The following PAN3 variants were observed in gnomAD, a reference collection of about 807,000 sequenced individuals.
PAN3 encodes the protein PAN2-PAN3 deadenylation complex subunit PAN3.
A neutral mutation model predicts 96.2 loss-of-function variants in PAN3; 19 were observed. That is an observed-to-expected ratio of 0.20 (90% CI 0.14 to 0.29). PAN3 has a LOEUF of 0.29. Among genes scored for constraint, PAN3 ranks in the 10% least tolerant of loss-of-function variants. The probability of loss-of-function intolerance (pLI) is 1.00; values close to 1 mark genes in which losing one functional copy is unlikely to be tolerated. For synonymous variants in PAN3, 433 were observed against 406.6 expected (o/e 1.06, Z -0.78); for missense variants, 882 against 1,108.1 (o/e 0.80, Z 2.90).
intron 18 of PAN3, among the ~76,000 whole-genome samples, chr13:28,288,522 CTT>C (rs1214411775): frequency 6.6e-6 from 1 of 152,164 alleles, no homozygotes; most frequent in Non-Finnish European, 1.5e-5. Flanking sequence ...GAACTCCTCA[CTT>C]CAAGTGATTC....
chr13:28,170,290 G>T (rs535007999), intron 1 of PAN3, among the ~76,000 whole-genome samples: 4 of 152,228 alleles, frequency 2.6e-5, no homozygotes, highest in African/African-American at 9.6e-5. Context: ...ATTTCTTAAT[G>T]ATAAGGTGTT....
chr13:28,262,527 G>C (rs1885826655), intron 9 of PAN3, among the ~76,000 whole-genome samples: 1 of 152,066 alleles, frequency 6.6e-6, no homozygotes, highest in Admixed American at 6.5e-5. Flanking sequence ...GAACTTACTT[G>C]TCATAACCTT....
intron 10 of PAN3, 100 bp from the exon 11 acceptor site, chr13:28,266,995 T>C (rs183383329): frequency 7.6e-7 from 1 of 1,312,892 alleles, no homozygotes; most frequent in East Asian, 2.4e-5. Context: ...AATTAGTACC[T>C]CATGAGCAAT....
chr13:28,276,176 C>T (rs1296894056), intron 14 of PAN3, among the ~76,000 whole-genome samples: 3 of 151,978 alleles, frequency 2.0e-5, no homozygotes, highest in Non-Finnish European at 2.9e-5. Context: ...AAAATTGGGA[C>T]GAGGGGATGG....
At chr13:28,198,561 A>G (rs1324552898) in intron 5 of PAN3, among the ~76,000 whole-genome samples, 1 of 152,194 alleles carries the variant, frequency 6.6e-6, no homozygotes, top group African/African-American at 2.4e-5. Context: ...TTTCTATATA[A>G]TATTTTGAAG....
intron 16 of PAN3, among the ~76,000 whole-genome samples, chr13:28,281,052 C>G (rs1887434317): frequency 6.6e-6 from 1 of 152,168 alleles, no homozygotes; most frequent in Non-Finnish European, 1.5e-5. Context: ...CATGGCTTTG[C>G]TACAGTCATG....
intron 1 of PAN3, among the ~76,000 whole-genome samples, chr13:28,165,373 A>T (rs1385441684): frequency 1.5e-5 from 2 of 136,890 alleles, no homozygotes; most frequent in Non-Finnish European, 3.0e-5. Flanking sequence ...ATACCACCTT[A>T]GCCTCCCCCA....
At position 28,295,175 on chromosome 13, in the gene PAN3, T is replaced by C. The variant is rs1213765803; in HGVS notation, c.*2653T>C. 2 of 152,212 alleles carry C rather than the reference T, an allele frequency of 1.3e-5. No homozygotes were observed. Among genetic ancestry groups the C allele is most frequent in the Admixed American group, 6.5e-5 (1 of 15,280 alleles). 9.4% of individuals were successfully genotyped at this position (152,212 alleles called of 1,614,324 possible). A position where few individuals can be genotyped will look rare whatever the true frequency, so the allele number is the denominator to read the frequency against. ...TTTTGAGGGTACCTTTGTATTTTGCTTTTGACCTTGGTTCTGTGATTTGGA... is the reference window on the plus strand; with the variant it reads ...TTTTGAGGGTACCTTTGTATTTTGCCTTTGACCTTGGTTCTGTGATTTGGA... On this transcript the variant is annotated 3_prime_UTR_variant, in exon 19 of 19. Coordinates refer to ENST00000380958, the MANE Select transcript of PAN3 (RefSeq NM_175854.8).
At chr13:28,251,399 A>G (rs1884709271) in intron 6 of PAN3, among the ~76,000 whole-genome samples, 1 of 152,194 alleles carries the variant, frequency 6.6e-6, no homozygotes, top group Non-Finnish European at 1.5e-5. Context: ...GGAAGTGTTC[A>G]TCAAAATAGT....
At chr13:28,200,030 T>G (rs919065740) in intron 5 of PAN3, among the ~76,000 whole-genome samples, 4 of 152,256 alleles carry the variant, frequency 2.6e-5, no homozygotes, top group African/African-American at 9.6e-5. Flanking sequence ...TACTGCTAGA[T>G]GAAGAAACAT....
chr13:28,210,362 T>G (rs1879885925), intron 5 of PAN3, among the ~76,000 whole-genome samples: 1 of 152,210 alleles, frequency 6.6e-6, no homozygotes, highest in Non-Finnish European at 1.5e-5. Context: ...GCTACTTTCC[T>G]CTTAAGATTG....
chr13:28,243,956 G>A (rs1015851006), intron 6 of PAN3, among the ~76,000 whole-genome samples: 4 of 152,162 alleles, frequency 2.6e-5, no homozygotes, highest in Admixed American at 1.3e-4. Flanking sequence ...AAAGTGCTGG[G>A]ATTGCAGGCA....
chr13:28,180,082 G>T (rs1013815840), intron 4 of PAN3, among the ~76,000 whole-genome samples: 1 of 152,080 alleles, frequency 6.6e-6, no homozygotes, highest in Non-Finnish European at 1.5e-5. Flanking sequence ...TGTGATATTT[G>T]AGGCCCTGGA....
intron 5 of PAN3, among the ~76,000 whole-genome samples, chr13:28,203,449 A>G (rs992567038): frequency 1.3e-5 from 2 of 151,936 alleles, no homozygotes; most frequent in Non-Finnish European, 2.9e-5. Flanking sequence ...GACTACAGGT[A>G]TGTGCAACTG....
chr13:28,214,052 C>T (rs1315277725), intron 5 of PAN3, among the ~76,000 whole-genome samples: 2 of 151,926 alleles, frequency 1.3e-5, no homozygotes, highest in Non-Finnish European at 2.9e-5. Context: ...CTCTCCAGTG[C>T]ACTCCAGCCT....
chr13:28,167,967 C>G (rs1299110687), intron 1 of PAN3, among the ~76,000 whole-genome samples: 1 of 152,206 alleles, frequency 6.6e-6, no homozygotes, highest in Non-Finnish European at 1.5e-5. Flanking sequence ...CCTAGTTTAT[C>G]CCTTGAAAGT....
chr13:28,265,547 A>G (rs1428707019), intron 9 of PAN3, among the ~76,000 whole-genome samples: 1 of 152,228 alleles, frequency 6.6e-6, no homozygotes, highest in Non-Finnish European at 1.5e-5. Context: ...GAAATAGGGA[A>G]TTCTACCTCA....
intron 18 of PAN3, among the ~76,000 whole-genome samples, chr13:28,291,415 A>G (rs1207335829): frequency 6.6e-6 from 1 of 152,254 alleles, no homozygotes; most frequent in Non-Finnish European, 1.5e-5. Context: ...ATATACTAGC[A>G]TTTACACAAG....
intron 9 of PAN3, among the ~76,000 whole-genome samples, chr13:28,265,394 C>A (rs1280450877): frequency 6.6e-6 from 1 of 152,190 alleles, no homozygotes; most frequent in African/African-American, 2.4e-5. Context: ...GTAGAACATG[C>A]CACTTGGTGA....
Sources: gnomAD v4.1 joint callset for allele counts (sites outside exome capture counted in the v4.1 genomes callset) on GRCh38, gnomAD v4.1.1 for gene constraint, MANE v1.5 for transcripts, NCBI Gene and HGNC (gene_info 2026-07-23, HGNC 2026-07-21) for gene names.